Variants in CNKSR2 observed in about 807,000 individuals in gnomAD.
CNKSR2 encodes connector enhancer of kinase suppressor of Ras 2.
In CNKSR2, 14 loss-of-function variants were observed where a neutral mutation model predicts 84.4. The observed-to-expected ratio is 0.17, with a 90% CI of 0.11 to 0.26. The LOEUF is 0.26. Among genes scored for constraint, CNKSR2 ranks in the 10% least tolerant of loss-of-function variants. CNKSR2 has a pLI of 1.00. For missense variants in CNKSR2, 485 were observed against 771.2 expected, an observed-to-expected ratio of 0.63 and a Z score of 4.40; for synonymous variants, 275 against 277.9, an observed-to-expected ratio of 0.99 and a Z score of 0.10.
At chrX:21,392,874 C>T (rs1000157020) in intron 1 of CNKSR2, among the ~76,000 whole-genome samples, 16 of 111,404 alleles carry the variant, frequency 1.4e-4, no homozygotes, top group African/African-American at 5.2e-4. Context: ...CCTCTGTTCA[C>T]ATCTCCAAGA....
chrX:21,557,533 A>G (rs1165843815), intron 11 of CNKSR2, among the ~76,000 whole-genome samples: 1 of 111,341 alleles, frequency 9.0e-6, no homozygotes, highest in Non-Finnish European at 1.9e-5. Context: ...AAAAAACTCT[A>G]GATGTGCAAC....
chrX:21,502,825 G>C (rs1156299476), intron 8 of CNKSR2, among the ~76,000 whole-genome samples: 2 of 111,678 alleles, frequency 1.8e-5, no homozygotes, highest in East Asian at 5.6e-4. Context: ...CACTATGACA[G>C]TTTTGATGGC....
chrX:21,436,976 T>G (rs907991166), intron 3 of CNKSR2, among the ~76,000 whole-genome samples: 1 of 111,919 alleles, frequency 8.9e-6, no homozygotes, highest in African/African-American at 3.2e-5. Flanking sequence ...ATAAAAACTT[T>G]AGGGTAATTC....
intron 5 of CNKSR2, among the ~76,000 whole-genome samples, chrX:21,487,441 A>G (rs2091396964): frequency 8.9e-6 from 1 of 111,762 alleles, no homozygotes; most frequent in South Asian, 3.7e-4. Flanking sequence ...AGCCATTTAT[A>G]TACATCCATT....
At chrX:21,642,116 G>A in intron 20 of CNKSR2, 1 of 748,709 alleles carries the variant, frequency 1.3e-6, no homozygotes, top group Non-Finnish European at 1.6e-6. Flanking sequence ...AACTTGACGT[G>A]CTGTATTGTA....
chrX:21,531,083 T>A (rs750042572), intron 10 of CNKSR2, among the ~76,000 whole-genome samples: 2 of 111,209 alleles, frequency 1.8e-5, no homozygotes, highest in South Asian at 3.7e-4. Flanking sequence ...ATATGTCTTT[T>A]TACTCTTAAA....
At chrX:21,585,256 A>T (rs2092378931) in intron 13 of CNKSR2, among the ~76,000 whole-genome samples, 1 of 104,215 alleles carries the variant, frequency 9.6e-6, no homozygotes. Flanking sequence ...AATATATATA[A>T]ATATATATAT....
rs769105479 is a variant in CNKSR2 at position 21,565,565 on chromosome X, A to G, written c.1608+2113A>G. 2.7e-5 allele frequency among the ~76,000 whole-genome samples: 3 copies of G among 111,367 alleles called. No individual in the cohort carries two copies. In the East Asian group the frequency reaches 8.4e-4, roughly 31 times the overall value. On this transcript the variant is annotated intron_variant, in intron 13 of 21. Coordinates refer to ENST00000379510, the MANE Select transcript of CNKSR2 (RefSeq NM_014927.5). ...GGTATTTCCCAGATAGTTGACATCT[A>G]TCTCAACTAATTTTTGACAGAGGAC...
At position 21,643,079 on chromosome X, in the gene CNKSR2, T is replaced by C. The variant is rs185572758; in HGVS notation, c.2693-5752T>C. The C allele has an allele frequency of 7.9e-3, 877 of 110,985 alleles. 8 individuals are homozygous for C. Among genetic ancestry groups the C allele is most frequent in the African/African-American group, 0.027 (823 of 30,457 alleles). The allele number at this position is 110,985 out of a possible 1,213,427, so 9.1% of individuals were successfully genotyped here. On this transcript the variant is annotated intron_variant, in intron 20 of 21. Coordinates refer to ENST00000379510, the MANE Select transcript of CNKSR2 (RefSeq NM_014927.5). ...GTGTTTTTTTTTTCATTAAGGAATA[T>C]AGTGACTCCACATTAATTTTCAAAA...
At chrX:21,460,507 G>A (rs77038470) in intron 4 of CNKSR2, among the ~76,000 whole-genome samples, 23 of 111,531 alleles carry the variant, frequency 2.1e-4, no homozygotes, top group African/African-American at 6.8e-4. Flanking sequence ...TGGAAAATGA[G>A]GTATGCATCC....
chrX:21,381,136 G>GT (rs2089893059), intron 1 of CNKSR2, among the ~76,000 whole-genome samples: 3 of 111,806 alleles, frequency 2.7e-5, no homozygotes, highest in African/African-American at 9.7e-5. Context: ...CCAAAGAGTT[G>GT]TGTTTTTTTT....
chrX:21,448,341 T>A (rs1338759323), intron 4 of CNKSR2, among the ~76,000 whole-genome samples: 1 of 111,596 alleles, frequency 9.0e-6, no homozygotes. Context: ...ACATCAAATA[T>A]AAGTTATTAA....
chrX:21,647,060 C>T (rs1398650504), intron 20 of CNKSR2, among the ~76,000 whole-genome samples: 1 of 111,913 alleles, frequency 8.9e-6, no homozygotes, highest in East Asian at 2.8e-4. Flanking sequence ...GTCTTCCATC[C>T]CCCATCCCTC....
At chrX:21,401,615 AG>A (rs1338676157) in intron 1 of CNKSR2, among the ~76,000 whole-genome samples, 2 of 111,946 alleles carry the variant, frequency 1.8e-5, no homozygotes. Flanking sequence ...TGTCTAGAGT[AG>A]AGAAACCTAT....
At chrX:21,457,158 A>G (rs1239768940) in intron 4 of CNKSR2, among the ~76,000 whole-genome samples, 8 of 111,266 alleles carry the variant, frequency 7.2e-5, no homozygotes. Context: ...ATTTTCTCCC[A>G]TTCTGTAGGT....
intron 5 of CNKSR2, among the ~76,000 whole-genome samples, chrX:21,486,081 G>A (rs1342567907): frequency 9.0e-6 from 1 of 111,426 alleles, no homozygotes; most frequent in East Asian, 2.8e-4. Context: ...GCAGTGAGCC[G>A]CCACTGCACT....
rs762338188 is a variant in CNKSR2, at chrX:21,652,333, G to A, written c.2917G>A (p.Asp973Asn). Reference sequence around the variant, plus strand: ...CAGAGAAGGGGAAGTAGCCATTATCGATAAAGTCCTAGACAATCCAGACTT... The same window carrying A: ...CAGAGAAGGGGAAGTAGCCATTATCAATAAAGTCCTAGACAATCCAGACTT... Reference protein sequence around the residue: ...KAREGEVAIIDKVLDNPDLTS... With the variant: ...KAREGEVAIINKVLDNPDLTS... Residue 973 changes from aspartate (D) to asparagine (N), a missense_variant, in exon 22 of 22, where the codon GAT (aspartate) becomes AAT (asparagine). This residue lies in a region of CNKSR2 where 210 missense variants were observed against 291.5 expected (regional missense o/e 0.72). Transcript: ENST00000379510. The A allele has an allele frequency of 1.9e-5, 23 of 1,208,203 alleles. No individual in the cohort carries two copies. The highest frequency in any genetic ancestry group is 5.3e-5 in the South Asian group (3 of 56,702).
chrX:21,528,790 A>G (rs941660187), intron 10 of CNKSR2, among the ~76,000 whole-genome samples: 5 of 111,002 alleles, frequency 4.5e-5, no homozygotes, highest in African/African-American at 1.3e-4. Flanking sequence ...TTCTAAATAC[A>G]TTTTGAGTCA....
At chrX:21,602,941 T>C (rs2092492160) in intron 18 of CNKSR2, among the ~76,000 whole-genome samples, 1 of 112,266 alleles carries the variant, frequency 8.9e-6, no homozygotes, top group Non-Finnish European at 1.9e-5. Context: ...GCTTGGTTCT[T>C]AGGCTTAACT....
Sources: allele counts gnomAD v4.1 joint callset (sites outside exome capture counted in the v4.1 genomes callset), GRCh38; gene constraint gnomAD v4.1.1; regional missense constraint gnomAD v4.1.1; transcripts MANE v1.5; gene names NCBI Gene and HGNC (gene_info 2026-07-23, HGNC 2026-07-21).